The following LYPLAL1 variants were observed in gnomAD, a reference collection of about 807,000 sequenced individuals.
The protein encoded by LYPLAL1 is lysophospholipase like 1.
In LYPLAL1, 23 loss-of-function variants were observed where a neutral mutation model predicts 19.7. The ratio of observed to expected loss-of-function variants is 1.17; its 90% CI spans 0.84 to 1.65. The LOEUF (loss-of-function observed/expected upper bound fraction) is 1.65, where lower values mean the gene tolerates loss of function less well. Among genes scored for constraint, LYPLAL1 ranks in the 40% most tolerant of loss-of-function variants. LYPLAL1 has a pLI of 0.00. For synonymous variants in LYPLAL1, 119 were observed against 96.3 expected, an observed-to-expected ratio of 1.24 and a Z score of -1.38; for missense variants, 355 against 279.4, an observed-to-expected ratio of 1.27 and a Z score of -1.93.
chr1:219,332,276 G>C, the LYPLAL1 span, among the ~76,000 whole-genome samples: 1 of 152,230 alleles, frequency 6.6e-6, no homozygotes, highest in East Asian at 1.9e-4. Context: ...GCCAACAGCA[G>C]GATCCTGGAC....
the LYPLAL1 span, among the ~76,000 whole-genome samples, chr1:219,240,965 G>A: frequency 5.9e-5 from 9 of 151,488 alleles, no homozygotes; most frequent in African/African-American, 2.4e-5. Flanking sequence ...GGACGCTTAG[G>A]CAGGAAGATC....
chr1:219,431,060 A>G, the LYPLAL1 span, among the ~76,000 whole-genome samples: 3 of 152,148 alleles, frequency 2.0e-5, no homozygotes, highest in Non-Finnish European at 4.4e-5. Context: ...GACACTAAAC[A>G]TGCCTTATTT....
chr1:219,241,132 C>CTATA, the LYPLAL1 span, among the ~76,000 whole-genome samples: 667 of 57,394 alleles, frequency 0.012, 5 homozygotes, highest in Non-Finnish European at 0.016. Flanking sequence ...CTCTCTCTCT[C>CTATA]TCTATATATA....
At chr1:219,304,514 G>A in the LYPLAL1 span, among the ~76,000 whole-genome samples, 11 of 152,344 alleles carry the variant, frequency 7.2e-5, no homozygotes, top group Middle Eastern at 0.014. Flanking sequence ...TTTAGTGAGT[G>A]ACTCTTAGAT....
At chr1:219,385,597 A>G in the LYPLAL1 span, among the ~76,000 whole-genome samples, 1 of 152,136 alleles carries the variant, frequency 6.6e-6, no homozygotes, top group Non-Finnish European at 1.5e-5. Context: ...GTAGACCAGT[A>G]GGGCAAGGGG....
chr1:219,187,456 T>G (rs1656821173), intron 2 of LYPLAL1, among the ~76,000 whole-genome samples: 1 of 151,708 alleles, frequency 6.6e-6, no homozygotes, highest in African/African-American at 2.4e-5. Context: ...AATAAAGATT[T>G]TTATTTCTAT....
At chr1:219,441,229 ATG>A in the LYPLAL1 span, among the ~76,000 whole-genome samples, 2 of 152,248 alleles carry the variant, frequency 1.3e-5, no homozygotes, top group African/African-American at 4.8e-5. Flanking sequence ...TATTTTATAA[ATG>A]TATCAAAATT....
chr1:219,196,560 G>C (rs1657617780), intron 3 of LYPLAL1, among the ~76,000 whole-genome samples: 1 of 152,094 alleles, frequency 6.6e-6, no homozygotes, highest in Non-Finnish European at 1.5e-5. Context: ...GACAAAAGCT[G>C]TAACCATTCC....
chr1:219,355,094 C>T, the LYPLAL1 span, among the ~76,000 whole-genome samples: 1 of 152,142 alleles, frequency 6.6e-6, no homozygotes, highest in African/African-American at 2.4e-5. Context: ...TAGAGCAGAG[C>T]TATCTAATAA....
the LYPLAL1 span, among the ~76,000 whole-genome samples, chr1:219,306,304 G>T: frequency 2.0e-5 from 3 of 152,128 alleles, no homozygotes; most frequent in Non-Finnish European, 4.4e-5. Context: ...AGCTCTGATG[G>T]TTAATTTTGT....
chr1:219,327,760 C>T, the LYPLAL1 span, among the ~76,000 whole-genome samples: 2,853 of 152,130 alleles, frequency 0.019, 66 homozygotes, highest in Non-Finnish European at 0.02. Context: ...GTAGTAAATA[C>T]GTCTCTTGAG....
the LYPLAL1 span, among the ~76,000 whole-genome samples, chr1:219,293,040 A>T: frequency 6.6e-6 from 1 of 152,150 alleles, no homozygotes; most frequent in Non-Finnish European, 1.5e-5. Context: ...AATAATTTTC[A>T]CATAGTAGAT....
At chr1:219,189,564 A>G (rs1248989992) in intron 2 of LYPLAL1, among the ~76,000 whole-genome samples, 2 of 151,562 alleles carry the variant, frequency 1.3e-5, no homozygotes, top group Admixed American at 6.6e-5. Flanking sequence ...ATTCTAATTT[A>G]TCTACCTTTC....
the LYPLAL1 span, among the ~76,000 whole-genome samples, chr1:219,331,221 T>A: frequency 1.3e-5 from 2 of 152,184 alleles, no homozygotes; most frequent in Non-Finnish European, 2.9e-5. Flanking sequence ...CCAGATTTCA[T>A]CATGACAACC....
the LYPLAL1 span, among the ~76,000 whole-genome samples, chr1:219,365,614 A>C: frequency 6.6e-6 from 1 of 152,158 alleles, no homozygotes; most frequent in Non-Finnish European, 1.5e-5. Flanking sequence ...TAGACCTGGG[A>C]ATGGTGCCAG....
chr1:219,304,340 G>A, the LYPLAL1 span, among the ~76,000 whole-genome samples: 3 of 152,208 alleles, frequency 2.0e-5, no homozygotes, highest in African/African-American at 7.2e-5. Context: ...TTTAATTCAA[G>A]CAGACAGAGT....
chr1:219,313,647 G>A, the LYPLAL1 span, among the ~76,000 whole-genome samples: 115,507 of 151,856 alleles, frequency 0.76, 44,372 homozygotes, highest in East Asian at 0.97. Flanking sequence ...TGATTCTCCT[G>A]CCTCAGCCTC....
chr1:219,290,729 C>T, the LYPLAL1 span, among the ~76,000 whole-genome samples: 17 of 152,264 alleles, frequency 1.1e-4, no homozygotes, highest in Middle Eastern at 6.8e-3. Flanking sequence ...ACTGTGGACT[C>T]GCCCCAAATT....
the LYPLAL1 span, among the ~76,000 whole-genome samples, chr1:219,239,698 A>G: frequency 2.6e-5 from 4 of 152,238 alleles, no homozygotes; most frequent in Admixed American, 6.5e-5. Context: ...ACAAGTAAGG[A>G]TTATAATGGC....
Sources: gnomAD v4.1 joint callset for allele counts (sites outside exome capture counted in the v4.1 genomes callset) on GRCh38, gnomAD v4.1.1 for gene constraint, MANE v1.5 for transcripts, NCBI Gene and HGNC (gene_info 2026-07-23, HGNC 2026-07-21) for gene names.